GRID1: variants seen among roughly 807,000 people sequenced by gnomAD.
GRID1 encodes glutamate ionotropic receptor delta type subunit 1.
A neutral mutation model predicts 98.0 loss-of-function variants in GRID1; 28 were observed. The observed-to-expected ratio is 0.29, with a 90% CI of 0.21 to 0.39. The LOEUF is 0.39. GRID1 is among the 10% of genes least tolerant of loss of function. The pLI is 1.00. For missense variants in GRID1, 1,111 were observed against 1,340.5 expected, an observed-to-expected ratio of 0.83 and a Z score of 2.67; for synonymous variants, 553 against 538.5, an observed-to-expected ratio of 1.03 and a Z score of -0.37.
chr10:86,223,190 G>A (rs1003448119), intron 2 of GRID1, among the ~76,000 whole-genome samples: 2 of 152,224 alleles, frequency 1.3e-5, no homozygotes, highest in African/African-American at 2.4e-5. Context: ...GTGGCTGAGA[G>A]CGGGATGGCT....
chr10:85,966,290 C>T (rs1239709336), intron 4 of GRID1, among the ~76,000 whole-genome samples: 3 of 152,176 alleles, frequency 2.0e-5, no homozygotes. Context: ...GAGAAAGATG[C>T]CCATAGGGAC....
chr10:86,222,437 G>C (rs1239852725), intron 2 of GRID1, among the ~76,000 whole-genome samples: 1 of 152,220 alleles, frequency 6.6e-6, no homozygotes, highest in South Asian at 2.1e-4. Flanking sequence ...GGTGGTGGGA[G>C]CAGTGGGTCA....
At chr10:85,837,093 C>T (rs1335556674) in intron 8 of GRID1, among the ~76,000 whole-genome samples, 2 of 152,148 alleles carry the variant, frequency 1.3e-5, no homozygotes, top group African/African-American at 4.8e-5. Flanking sequence ...TCCCCACCCC[C>T]ACCACCGACT....
intron 8 of GRID1, among the ~76,000 whole-genome samples, chr10:85,755,963 T>C (rs576447447): frequency 7.1e-4 from 108 of 152,160 alleles, no homozygotes; most frequent in Non-Finnish European, 1.3e-3. Flanking sequence ...CTCAGGAACC[T>C]TCTCTCACTG....
At chr10:85,988,259 C>T (rs1423508555) in intron 4 of GRID1, among the ~76,000 whole-genome samples, 1 of 152,132 alleles carries the variant, frequency 6.6e-6, no homozygotes, top group Admixed American at 6.5e-5. Context: ...ATTGATTAAT[C>T]TGTCTGATCC....
intron 8 of GRID1, among the ~76,000 whole-genome samples, chr10:85,774,264 C>A (rs1459721096): frequency 6.6e-6 from 1 of 152,168 alleles, no homozygotes; most frequent in Non-Finnish European, 1.5e-5. Flanking sequence ...GGAAAACTGG[C>A]TAGCCATATG....
At chr10:86,142,052 A>G (rs1004378528) in intron 3 of GRID1, among the ~76,000 whole-genome samples, 1 of 152,156 alleles carries the variant, frequency 6.6e-6, no homozygotes, top group African/African-American at 2.4e-5. Context: ...GTGCATTTCC[A>G]TTTCCACTCT....
At chr10:86,143,897 G>A (rs1027025920) in intron 3 of GRID1, among the ~76,000 whole-genome samples, 2 of 152,168 alleles carry the variant, frequency 1.3e-5, no homozygotes, top group African/African-American at 4.8e-5. Flanking sequence ...GCCCAGGTCA[G>A]GCCTTGACAT....
At chr10:86,359,374 G>A (rs1288683488) in intron 2 of GRID1, among the ~76,000 whole-genome samples, 2 of 152,188 alleles carry the variant, frequency 1.3e-5, no homozygotes, top group East Asian at 3.9e-4. Context: ...CTAGCAGAAT[G>A]TCTAGATACC....
At chr10:86,125,766 A>C (rs1178043679) in intron 4 of GRID1, among the ~76,000 whole-genome samples, 3 of 152,202 alleles carry the variant, frequency 2.0e-5, no homozygotes, top group Non-Finnish European at 4.4e-5. Flanking sequence ...CAACATGAAG[A>C]TAACAAGGAC....
At chr10:86,294,405 C>T (rs963945197) in intron 2 of GRID1, among the ~76,000 whole-genome samples, 1 of 152,204 alleles carries the variant, frequency 6.6e-6, no homozygotes, top group African/African-American at 2.4e-5. Context: ...ATGATGAGAA[C>T]AGACCAAGTG....
intron 2 of GRID1, among the ~76,000 whole-genome samples, chr10:86,339,158 G>A (rs946604566): frequency 2.0e-5 from 3 of 152,226 alleles, no homozygotes; most frequent in Non-Finnish European, 4.4e-5. Flanking sequence ...AGACACCAGT[G>A]AACATCTGTG....
chr10:85,987,613 A>G (rs556310708), intron 4 of GRID1, among the ~76,000 whole-genome samples: 3 of 144,042 alleles, frequency 2.1e-5, no homozygotes, highest in African/African-American at 7.8e-5. Flanking sequence ...ACCTGCTCCT[A>G]CCCTTACTTC....
intron 3 of GRID1, among the ~76,000 whole-genome samples, chr10:86,191,242 A>G (rs1845798814): frequency 6.6e-6 from 1 of 152,172 alleles, no homozygotes; most frequent in Admixed American, 6.5e-5. Context: ...TGTGGAACCC[A>G]GAGAAGGGAC....
intron 12 of GRID1, among the ~76,000 whole-genome samples, chr10:85,717,344 A>T (rs1841651375): frequency 6.6e-6 from 1 of 151,866 alleles, no homozygotes; most frequent in African/African-American, 2.4e-5. Context: ...GTTTAATTGG[A>T]CTTAAAGTTC....
chr10:85,607,343 CT>C (rs1043727122), intron 15 of GRID1: 2 of 152,208 alleles, frequency 1.3e-5, no homozygotes, highest in Admixed American at 1.3e-4. Context: ...GAACTTCCCC[CT>C]GACTGAGCTG....
chr10:85,630,498 G>T (rs1457430146), intron 13 of GRID1, among the ~76,000 whole-genome samples: 3 of 152,196 alleles, frequency 2.0e-5, no homozygotes, highest in Middle Eastern at 3.2e-3. Flanking sequence ...AATAGCACGT[G>T]AAATTGTCCT....
At chr10:85,778,531 C>T (rs1224147716) in intron 8 of GRID1, among the ~76,000 whole-genome samples, 1 of 152,180 alleles carries the variant, frequency 6.6e-6, no homozygotes, top group Non-Finnish European at 1.5e-5. Flanking sequence ...AGATACAGTT[C>T]CTGACCTCGG....
intron 3 of GRID1, among the ~76,000 whole-genome samples, chr10:86,180,722 G>A (rs906985215): frequency 6.6e-6 from 1 of 152,184 alleles, no homozygotes; most frequent in Non-Finnish European, 1.5e-5. Context: ...CAGCTCACAG[G>A]AGCAGGGCTG....
Sources: gnomAD v4.1 joint callset for allele counts (sites outside exome capture counted in the v4.1 genomes callset) on GRCh38, gnomAD v4.1.1 for gene constraint, MANE v1.5 for transcripts, NCBI Gene and HGNC (gene_info 2026-07-23, HGNC 2026-07-21) for gene names.